Variants in FAF1 observed in about 807,000 individuals in gnomAD.
FAF1 encodes the protein Fas associated factor 1.
A neutral mutation model predicts 92.5 loss-of-function variants in FAF1; 25 were observed. The ratio of observed to expected loss-of-function variants is 0.27; its 90% CI spans 0.20 to 0.38. The LOEUF is 0.38. Ranked by LOEUF, FAF1 falls within the 10% of genes least tolerant of loss-of-function variation. The pLI, the probability that FAF1 is intolerant of heterozygous loss-of-function variation, is 1.00. For missense variants in FAF1, 636 were observed against 793.3 expected (o/e 0.80, Z 2.38); for synonymous variants, 234 against 273.2 (o/e 0.86, Z 1.42).
chr1:50,898,126 C>T (rs1226328656), intron 1 of FAF1, among the ~76,000 whole-genome samples: 1 of 152,162 alleles, frequency 6.6e-6, no homozygotes, highest in Non-Finnish European at 1.5e-5. Context: ...AAGTGAAATA[C>T]TATGTCTGGG....
At chr1:50,461,397 T>C (rs1466664207) in intron 18 of FAF1, 1 of 152,170 alleles carries the variant, frequency 6.6e-6, no homozygotes, top group Non-Finnish European at 1.5e-5. Flanking sequence ...TGTGTTGTAA[T>C]TATCATCACA....
At position 50,830,049 on chromosome 1, in the gene FAF1, C is replaced by G. The variant is rs543124488; in HGVS notation, c.114+27880G>C. Among the ~76,000 whole-genome samples the G allele has an allele frequency of 2.0e-5, 3 of 152,182 alleles. No individual in the cohort carries two copies. The South Asian group carries it at 6.2e-4, about 32-fold the overall frequency. On this transcript the variant is annotated intron_variant, in intron 2 of 18. Transcript: ENST00000396153. ...TACATCAGAGACATCTAGATTAACA[C>G]AGTATGTCTAACTCTCTCTTCATGA...
intron 18 of FAF1, among the ~76,000 whole-genome samples, chr1:50,460,920 TAG>T (rs1408122603): frequency 3.3e-5 from 5 of 152,192 alleles, no homozygotes; most frequent in African/African-American, 1.2e-4. Flanking sequence ...CCCAAAGTGC[TAG>T]GATTACTGGT....
At chr1:50,737,744 T>A (rs1170763812) in intron 6 of FAF1, among the ~76,000 whole-genome samples, 1 of 152,198 alleles carries the variant, frequency 6.6e-6, no homozygotes, top group Admixed American at 6.5e-5. Flanking sequence ...TCTACTTCAG[T>A]GAAGCCAAAT....
At chr1:50,566,618 G>T (rs972520950) in intron 13 of FAF1, among the ~76,000 whole-genome samples, 1 of 152,026 alleles carries the variant, frequency 6.6e-6, no homozygotes, top group African/African-American at 2.4e-5. Flanking sequence ...GCAATAAAGC[G>T]ATTACATCAA....
chr1:50,737,434 A>C (rs1031765950), intron 6 of FAF1, among the ~76,000 whole-genome samples: 2 of 152,246 alleles, frequency 1.3e-5, no homozygotes, highest in Non-Finnish European at 2.9e-5. Context: ...GACAGTGATT[A>C]CACTTTGTTA....
intron 18 of FAF1, among the ~76,000 whole-genome samples, chr1:50,441,842 G>A (rs1337969921): frequency 6.6e-6 from 1 of 151,870 alleles, no homozygotes; most frequent in South Asian, 2.1e-4. Flanking sequence ...GGCATTCCTA[G>A]AGACCTCTGC....
intron 8 of FAF1, among the ~76,000 whole-genome samples, chr1:50,615,037 C>T (rs1330943255): frequency 6.6e-6 from 1 of 152,072 alleles, no homozygotes; most frequent in African/African-American, 2.4e-5. Flanking sequence ...AACCCACACC[C>T]TCCCTCCCTG....
chr1:50,804,551 A>T (rs913566138), intron 2 of FAF1, among the ~76,000 whole-genome samples: 1 of 152,170 alleles, frequency 6.6e-6, no homozygotes, highest in Non-Finnish European at 1.5e-5. Flanking sequence ...CACTAAAATT[A>T]TGAGGCCTAA....
intron 8 of FAF1, among the ~76,000 whole-genome samples, chr1:50,631,612 A>G (rs1223416302): frequency 6.6e-6 from 1 of 152,208 alleles, no homozygotes. Context: ...ATAAGAAAAA[A>G]CAATCATGCT....
chr1:50,830,183 T>C (rs1210494279), intron 2 of FAF1, among the ~76,000 whole-genome samples: 1 of 152,220 alleles, frequency 6.6e-6, no homozygotes, highest in Non-Finnish European at 1.5e-5. Flanking sequence ...AGTGGCATGA[T>C]CTTGGCTCAC....
At chr1:50,818,506 AT>A (rs1643999464) in intron 2 of FAF1, among the ~76,000 whole-genome samples, 1 of 152,380 alleles carries the variant, frequency 6.6e-6, no homozygotes, top group Admixed American at 6.5e-5. Flanking sequence ...ATTGAAGAAT[AT>A]TCACACAAAA....
At chr1:50,691,800 C>T (rs1296897766) in intron 7 of FAF1, among the ~76,000 whole-genome samples, 2 of 152,118 alleles carry the variant, frequency 1.3e-5, no homozygotes, top group African/African-American at 2.4e-5. Flanking sequence ...GGACTATAGG[C>T]GTGAGCCATC....
intron 2 of FAF1, among the ~76,000 whole-genome samples, chr1:50,826,656 TAAAAG>T (rs1323414830): frequency 6.6e-6 from 1 of 151,364 alleles, no homozygotes; most frequent in African/African-American, 2.4e-5. Context: ...GTATTAGAAA[TAAAAG>T]AGGAAAGTCT....
At chr1:50,946,897 A>G (rs1321545247) in intron 1 of FAF1, among the ~76,000 whole-genome samples, 2 of 152,234 alleles carry the variant, frequency 1.3e-5, no homozygotes, top group African/African-American at 4.8e-5. Context: ...TTCACCCAAG[A>G]GGGAGACATT....
intron 6 of FAF1, among the ~76,000 whole-genome samples, chr1:50,716,869 T>G (rs1342734428): frequency 6.6e-6 from 1 of 152,182 alleles, no homozygotes; most frequent in Non-Finnish European, 1.5e-5. Context: ...TCGGGTCCCC[T>G]TCCACGCTGT....
At chr1:50,481,882 C>T (rs922629012) in intron 17 of FAF1, among the ~76,000 whole-genome samples, 36 of 151,674 alleles carry the variant, frequency 2.4e-4, no homozygotes, top group Admixed American at 1.9e-3. Context: ...GCCAATGTGG[C>T]GGGAATGGAA....
chr1:50,668,520 A>G (rs1655731246), intron 7 of FAF1, among the ~76,000 whole-genome samples: 1 of 152,244 alleles, frequency 6.6e-6, no homozygotes, highest in East Asian at 1.9e-4. Flanking sequence ...AAGTTATAAG[A>G]GTAAAGTCAC....
chr1:50,494,588 GAAGT>G (rs1646877318), intron 15 of FAF1, among the ~76,000 whole-genome samples: 3 of 152,212 alleles, frequency 2.0e-5, no homozygotes, highest in South Asian at 2.1e-4. Flanking sequence ...GGATTGCTCA[GAAGT>G]AAGTAATAGC....
Sources: allele counts gnomAD v4.1 joint callset (sites outside exome capture counted in the v4.1 genomes callset), GRCh38; gene constraint gnomAD v4.1.1; transcripts MANE v1.5; gene names NCBI Gene and HGNC (gene_info 2026-07-23, HGNC 2026-07-21).